Variants in BCL11B observed in about 807,000 individuals in gnomAD.
BCL11B encodes the protein BCL11 transcription factor B, also known as B-cell lymphoma/leukemia 11B.
Under a neutral mutation model 49.9 loss-of-function variants are expected in BCL11B, and 8 were observed. The ratio of observed to expected loss-of-function variants is 0.16; its 90% CI spans 0.09 to 0.29. The LOEUF (loss-of-function observed/expected upper bound fraction) is 0.29, where lower values mean the gene tolerates loss of function less well. BCL11B is among the 10% of genes least tolerant of loss of function. The probability of loss-of-function intolerance (pLI) is 1.00; values close to 1 mark genes in which losing one functional copy is unlikely to be tolerated. For missense variants in BCL11B, 1,006 were observed against 1,351.0 expected (o/e 0.74, Z 4.00); for synonymous variants, 739 against 637.4 (o/e 1.16, Z -2.40).
intron 3 of BCL11B, among the ~76,000 whole-genome samples, chr14:99,191,720 C>CA (rs571396643): frequency 0.14 from 19,714 of 142,428 alleles, 1,572 homozygotes; most frequent in Non-Finnish European, 0.19. Flanking sequence ...AGCCCTCCAC[C>CA]AAAAAAAAAA....
intron 2 of BCL11B, among the ~76,000 whole-genome samples, chr14:99,235,804 C>T (rs1189936096): frequency 6.6e-6 from 1 of 151,900 alleles, no homozygotes; most frequent in South Asian, 2.1e-4. Flanking sequence ...TGTTTTCCAA[C>T]CAGAGAAATT....
chr14:99,190,215 G>A (rs1364143679), intron 3 of BCL11B, among the ~76,000 whole-genome samples: 1 of 97,332 alleles, frequency 1.0e-5, no homozygotes, highest in South Asian at 2.5e-4. Flanking sequence ...TGGGCCAGGC[G>A]CGGTGGCTCA....
intron 3 of BCL11B, among the ~76,000 whole-genome samples, chr14:99,201,291 T>TCA (rs1887374868): frequency 6.6e-6 from 1 of 152,184 alleles, no homozygotes; most frequent in African/African-American, 2.4e-5. Flanking sequence ...TAAAAAGTTG[T>TCA]CACACACAAT....
Position 99,175,665 on chromosome 14 carries a change from G to C in BCL11B, c.1171C>G (p.Leu391Val). ...SPGRGNPMHR[L>V]LNPFQPSPKS... ...GGGCTGGGCTGGAAGGGGTTCAGGA[G>C]CCGGTGCATAGGGTTGCCGCGGCCC... Residue 391 changes from leucine to valine, a missense_variant, in exon 4 of 4, where the codon CTC becomes GTC. Around this residue, in one of 6 missense-constraint regions of BCL11B, gnomAD observed 97 missense variants for 81.5 expected, o/e 1.19. Coordinates refer to ENST00000357195, the MANE Select transcript of BCL11B (RefSeq NM_138576.4). 6.4e-7 allele frequency: 1 copy of C among 1,557,386 alleles called. No individual in the cohort carries two copies. The highest frequency in any genetic ancestry group is 1.2e-5 in the South Asian group (1 of 85,792).
intron 3 of BCL11B, among the ~76,000 whole-genome samples, chr14:99,227,144 T>C (rs1300511450): frequency 6.6e-6 from 1 of 152,178 alleles, no homozygotes; most frequent in East Asian, 1.9e-4. Flanking sequence ...CCAAAGCTGG[T>C]ACATGATCTG....
intron 3 of BCL11B, among the ~76,000 whole-genome samples, chr14:99,215,670 G>A (rs899053904): frequency 3.9e-5 from 6 of 152,172 alleles, no homozygotes; most frequent in Admixed American, 2.0e-4. Flanking sequence ...TTATTAAGCC[G>A]GCTCGCACTG....
At chr14:99,252,388 A>C (rs1269673606) in intron 2 of BCL11B, among the ~76,000 whole-genome samples, 2 of 152,210 alleles carry the variant, frequency 1.3e-5, no homozygotes, top group African/African-American at 2.4e-5. Context: ...CTCACTAGCC[A>C]AGCTAATATT....
At chr14:99,229,043 CATGGATGGATGG>C (rs1181779397) in intron 3 of BCL11B, among the ~76,000 whole-genome samples, 19 of 104,860 alleles carry the variant, frequency 1.8e-4, no homozygotes, top group African/African-American at 5.0e-4. Context: ...TGGATGGATG[CATGGATGGATGG>C]ATGGATGGAT....
At chr14:99,204,838 CT>C (rs1887488844) in intron 3 of BCL11B, among the ~76,000 whole-genome samples, 1 of 152,246 alleles carries the variant, frequency 6.6e-6, no homozygotes, top group Non-Finnish European at 1.5e-5. Flanking sequence ...GAAGGGCTGC[CT>C]GCATTTCTCA....
intron 3 of BCL11B, among the ~76,000 whole-genome samples, chr14:99,204,740 G>A (rs1050214845): frequency 6.6e-6 from 1 of 152,212 alleles, no homozygotes; most frequent in African/African-American, 2.4e-5. Context: ...CAGAGCGAGA[G>A]CTCGAGCCCA....
intron 2 of BCL11B, among the ~76,000 whole-genome samples, chr14:99,250,703 T>A (rs985563820): frequency 6.6e-6 from 1 of 152,266 alleles, no homozygotes; most frequent in African/African-American, 2.4e-5. Flanking sequence ...AAACTAAGAA[T>A]AATAATATTA....
intron 1 of BCL11B, among the ~76,000 whole-genome samples, chr14:99,267,886 G>C (rs1889532646): frequency 6.6e-6 from 1 of 152,164 alleles, no homozygotes; most frequent in African/African-American, 2.4e-5. Context: ...GGGTTACGCA[G>C]TTTACCGTGG....
rs899031999 is a variant in BCL11B at position 99,173,868 on chromosome 14, AAAT to A, written c.*280_*282del. The A allele has an allele frequency of 5.1e-5, 23 of 448,946 alleles. No homozygotes were observed. The highest frequency in any genetic ancestry group is 7.1e-5 in the Non-Finnish European group (18 of 252,266). The allele number at this position is 448,946 out of a possible 1,614,324, so 27.8% of individuals were successfully genotyped here. A position where few individuals can be genotyped will look rare whatever the true frequency, so the allele number is the denominator to read the frequency against. On this transcript the variant is annotated 3_prime_UTR_variant, in exon 4 of 4. Coordinates refer to ENST00000357195, the MANE Select transcript of BCL11B (RefSeq NM_138576.4). ...TCTCTTAAAGGAATTCAAACAGAAA[AAAT>A]AATAATAAAAAGTACCTGCACATGC...
intron 1 of BCL11B, among the ~76,000 whole-genome samples, chr14:99,269,670 T>C (rs1889596937): frequency 6.6e-6 from 1 of 150,594 alleles, no homozygotes; most frequent in Non-Finnish European, 1.5e-5. Flanking sequence ...ATTTATTTAT[T>C]TATTTAAATT....
chr14:99,249,352 T>C (rs1405918897), intron 2 of BCL11B, among the ~76,000 whole-genome samples: 1 of 152,140 alleles, frequency 6.6e-6, no homozygotes, highest in African/African-American at 2.4e-5. Context: ...GTTACATGGG[T>C]AAACGTGTGC....
chr14:99,263,772 A>C (rs1233466215), intron 1 of BCL11B, among the ~76,000 whole-genome samples: 1 of 151,774 alleles, frequency 6.6e-6, no homozygotes, highest in Non-Finnish European at 1.5e-5. Context: ...CAGAAAAAAG[A>C]ATAATGCACA....
At position 99,171,865 on chromosome 14, in the gene BCL11B, T is replaced by G. The variant is rs1886300709; in HGVS notation, c.*2286A>C. ...TTTTCAAGGAAAAGAAAAGGGTATT[T>G]TTTTTCTTGTTTTGTAAAATGCCCA... is the stretch of plus-strand genomic sequence containing the variant. On this transcript the variant is annotated 3_prime_UTR_variant, in exon 4 of 4. Coordinates refer to ENST00000357195, the MANE Select transcript of BCL11B (RefSeq NM_138576.4). 9.8e-6 allele frequency: 2 copies of G among 203,858 alleles called. No individual in the cohort carries two copies. The highest frequency in any genetic ancestry group is 2.0e-5 in the Non-Finnish European group (2 of 99,394). The allele number at this position is 203,858 out of a possible 1,614,324, so 12.6% of individuals were successfully genotyped here.
rs1034573956 is a variant in BCL11B at position 99,195,914 on chromosome 14, C to T, written c.641-19719G>A. 2.0e-5 allele frequency among the ~76,000 whole-genome samples: 3 copies of T among 152,088 alleles called. No homozygotes were observed. Among genetic ancestry groups the T allele is most frequent in the East Asian group, 1.9e-4 (1 of 5,190 alleles). On this transcript the variant is annotated intron_variant, in intron 3 of 3. Transcript: ENST00000357195. The surrounding 1 kb of genome is among the most constrained non-coding windows in gnomAD (Gnocchi z 4.7). ...TCTGCACCCGCCCCTTGTGTCTGCGCGGCACAGTGAGAACTGACATTTCTT... is the reference window on the plus strand; with the variant it reads ...TCTGCACCCGCCCCTTGTGTCTGCGTGGCACAGTGAGAACTGACATTTCTT...
rs537866585 is a variant in BCL11B, at chr14:99,231,638, C to T, written c.428-81G>A. The stretch of plus-strand genomic sequence containing the variant: ...GCACGGGGTGGGACGGGGCTCGGGG[C>T]GTGGGGCTCTGCTCAGGCCACCCTT... On this transcript the variant is annotated intron_variant, in intron 2 of 3. Coordinates refer to ENST00000357195, the MANE Select transcript of BCL11B (RefSeq NM_138576.4). This position sits in a 1 kb window ranked among gnomAD's most constrained non-coding sequence, Gnocchi z 8.1. The T allele has an allele frequency of 3.6e-5, 49 of 1,379,870 alleles. No individual in the cohort carries two copies. In the African/African-American group the frequency reaches 6.8e-4, roughly 19 times the overall value. 85.5% of individuals were successfully genotyped at this position (1,379,870 alleles called of 1,614,324 possible).
Sources: allele counts gnomAD v4.1 joint callset (sites outside exome capture counted in the v4.1 genomes callset), GRCh38; gene constraint gnomAD v4.1.1; regional missense constraint gnomAD v4.1.1; non-coding constraint Gnocchi (gnomAD v3.1); transcripts MANE v1.5; gene names NCBI Gene and HGNC (gene_info 2026-07-23, HGNC 2026-07-21).